The following PTPN3 variants were observed in gnomAD, a reference collection of about 807,000 sequenced individuals.
PTPN3 encodes protein tyrosine phosphatase non-receptor type 3.
PTPN3 carries 96 observed loss-of-function variants against 132.7 expected under a neutral mutation model. The ratio of observed to expected loss-of-function variants is 0.72; its 90% CI spans 0.61 to 0.86. PTPN3 has a LOEUF of 0.86. PTPN3 is among the 40% of genes least tolerant of loss of function. PTPN3 has a pLI of 0.00. For missense variants in PTPN3, 1,125 were observed against 1,159.6 expected (o/e 0.97, Z 0.43); for synonymous variants, 398 against 429.0 (o/e 0.93, Z 0.89).
At chr9:109,500,126 G>A (rs1228309438), upstream of PTPN3, among the ~76,000 whole-genome samples, 1 of 152,236 alleles carries the variant, frequency 6.6e-6, no homozygotes, top group East Asian at 1.9e-4. Context: ...TTCGATCTGG[G>A]CACCCGAGTG....
At chr9:109,519,188 A>G in the PTPN3 span, among the ~76,000 whole-genome samples, 27 of 152,224 alleles carry the variant, frequency 1.8e-4, no homozygotes, top group Non-Finnish European at 3.4e-4. Flanking sequence ...TCTTCCTGCA[A>G]CAGAAGAAGT....
At chr9:109,444,121 TTATC>T (rs1305403192) in intron 7 of PTPN3, among the ~76,000 whole-genome samples, 4 of 152,198 alleles carry the variant, frequency 2.6e-5, no homozygotes, top group Non-Finnish European at 4.4e-5. Flanking sequence ...TCTTGCTGCC[TTATC>T]TATCTATCAC....
rs1845609390 is a variant in PTPN3 at position 109,457,195 on chromosome 9, T to G, written c.267A>C (p.Lys89Asn). 6.2e-7 allele frequency: 1 copy of G among 1,613,806 alleles called. No individual in the cohort carries two copies. The highest frequency in any genetic ancestry group is 1.7e-5 in the Admixed American group (1 of 60,004). Residue 89 changes from lysine to asparagine, a missense_variant, in exon 4 of 26, where the codon AAA (lysine) becomes AAC (asparagine). By Grantham distance (94) the Lys-to-Asn change is moderately conservative. Coordinates refer to ENST00000374541, the MANE Select transcript of PTPN3 (RefSeq NM_002829.4). ...AACCTTTTAACTGCTTCCTGATGGC[T>G]TTGCTTGCTTCCAGCCATCTCTGTT... ...VDSPRWLEAS[K>N]AIRKQLKGGF...
intron 13 of PTPN3, among the ~76,000 whole-genome samples, chr9:109,422,255 C>A (rs1208836185): frequency 9.9e-5 from 15 of 152,192 alleles, no homozygotes; most frequent in Non-Finnish European, 2.9e-5. Context: ...AGTTGGCCTG[C>A]TACTTACTGA....
chr9:109,498,181 C>T lies in PTPN3; in HGVS notation c.-18+38G>A, dbSNP rs1007919741. Reference sequence around the variant, plus strand: ...GACCCCGGCCCCCGGCAGCCCCGCACCCTGCCCCCGGCCCGCTGGGGTCGC... The same window carrying T: ...GACCCCGGCCCCCGGCAGCCCCGCATCCTGCCCCCGGCCCGCTGGGGTCGC... On this transcript the variant is annotated intron_variant, in intron 1 of 25. Coordinates refer to ENST00000374541, the MANE Select transcript of PTPN3 (RefSeq NM_002829.4). The surrounding 1 kb of genome is among the most constrained non-coding windows in gnomAD (Gnocchi z 4.2). The T allele has an allele frequency of 6.8e-6, 1 of 146,522 alleles. No individual in the cohort carries two copies. The highest frequency in any genetic ancestry group is 1.5e-5 in the Non-Finnish European group (1 of 65,892). 9.1% of individuals were successfully genotyped at this position (146,522 alleles called of 1,614,324 possible).
At chr9:109,515,416 A>T in the PTPN3 span, among the ~76,000 whole-genome samples, 1 of 152,074 alleles carries the variant, frequency 6.6e-6, no homozygotes, top group African/African-American at 2.4e-5. Flanking sequence ...TGCTGAGCGC[A>T]GGGGGGGTCT....
the PTPN3 span, among the ~76,000 whole-genome samples, chr9:109,532,512 A>G: frequency 5.8e-4 from 88 of 152,222 alleles, no homozygotes; most frequent in African/African-American, 1.8e-3. Flanking sequence ...TGAAGTTCTT[A>G]CACATCTCCA....
chr9:109,489,454 A>G (rs913877555), intron 1 of PTPN3, among the ~76,000 whole-genome samples: 2 of 152,160 alleles, frequency 1.3e-5, no homozygotes, highest in African/African-American at 4.8e-5. Context: ...CTCACCCTGC[A>G]CTGATCTCAA....
chr9:109,378,202 G>A lies in PTPN3; in HGVS notation c.*1354C>T, dbSNP rs1456886847. 6.6e-6 allele frequency: 1 copy of A among 152,100 alleles called. No homozygotes were observed. The highest frequency in any genetic ancestry group is 2.4e-5 in the African/African-American group (1 of 41,422). The allele number at this position is 152,100 out of a possible 1,614,324, so 9.4% of individuals were successfully genotyped here. On this transcript the variant is annotated 3_prime_UTR_variant, in exon 26 of 26. Transcript: ENST00000374541. ...AGAACCTGGCTTTACTTCCTCTTCT[G>A]AGTACATAAAAACCGCTGTTCAAAA...
chr9:109,505,984 C>T, the PTPN3 span, among the ~76,000 whole-genome samples: 1 of 152,126 alleles, frequency 6.6e-6, no homozygotes, highest in Non-Finnish European at 1.5e-5. Flanking sequence ...ATCTCCTGAC[C>T]TCGTGATCCG....
At chr9:109,469,043 A>T (rs1428893688) in intron 1 of PTPN3, among the ~76,000 whole-genome samples, 1 of 152,212 alleles carries the variant, frequency 6.6e-6, no homozygotes, top group East Asian at 1.9e-4. Context: ...ACTCAGGGGA[A>T]CCAGAAGCAG....
the PTPN3 span, among the ~76,000 whole-genome samples, chr9:109,521,154 G>A: frequency 2.6e-5 from 4 of 152,252 alleles, no homozygotes; most frequent in Middle Eastern, 3.4e-3. Flanking sequence ...AGAGGGGGAT[G>A]TTCTGAATTC....
intron 14 of PTPN3, chr9:109,417,861 A>G: frequency 1.1e-6 from 1 of 892,262 alleles, no homozygotes; most frequent in Non-Finnish European, 1.3e-6. Flanking sequence ...AGATAAAAAG[A>G]GCCCCAAGAT....
intron 21 of PTPN3, among the ~76,000 whole-genome samples, chr9:109,389,743 A>C (rs537523436): frequency 6.6e-5 from 10 of 152,198 alleles, no homozygotes; most frequent in Non-Finnish European, 1.3e-4. Flanking sequence ...GTCTTTCCCT[A>C]TGCAGGGTTT....
chr9:109,459,169 C>A (rs927898559), intron 2 of PTPN3, among the ~76,000 whole-genome samples: 4 of 152,238 alleles, frequency 2.6e-5, no homozygotes, highest in African/African-American at 9.6e-5. Context: ...TAACAAAAAA[C>A]ACATTTATAA....
chr9:109,468,760 A>G (rs1319465344), intron 1 of PTPN3, among the ~76,000 whole-genome samples: 1 of 152,260 alleles, frequency 6.6e-6, no homozygotes, highest in Non-Finnish European at 1.5e-5. Context: ...AAAGACCATG[A>G]GAGTTAGAGT....
In PTPN3 at chr9:109,463,415, G is replaced by A. The variant is rs949617108; in HGVS notation, c.20C>T (p.Ala7Val). The A allele has an allele frequency of 7.5e-6, 12 of 1,610,210 alleles. No individual in the cohort carries two copies. Among genetic ancestry groups the A allele is most frequent in the South Asian group, 3.3e-5 (3 of 89,708 alleles). ...TATATTATTAATTCTTCCACCCAACGCACGTAACCGGGAGGTCATAACTAT... is the reference window on the plus strand; with the variant it reads ...TATATTATTAATTCTTCCACCCAACACACGTAACCGGGAGGTCATAACTAT... MTSRLR[A>V]LGGRINNIRT... Residue 7 changes from alanine (A) to valine (V), a missense_variant, in exon 2 of 26, where the codon GCG (alanine) becomes GTG (valine). Transcript: ENST00000374541.
chr9:109,457,883 C>CA (rs1312924748), intron 2 of PTPN3, among the ~76,000 whole-genome samples: 6 of 152,366 alleles, frequency 3.9e-5, no homozygotes, highest in African/African-American at 1.4e-4. Flanking sequence ...TAAAAATACT[C>CA]AACTGCCATT....
At chr9:109,528,870 C>G in the PTPN3 span, among the ~76,000 whole-genome samples, 1 of 152,030 alleles carries the variant, frequency 6.6e-6, no homozygotes, top group African/African-American at 2.4e-5. Flanking sequence ...CATCTTAATT[C>G]TACTTCCTTG....
Sources: allele counts gnomAD v4.1 joint callset (sites outside exome capture counted in the v4.1 genomes callset), GRCh38; gene constraint gnomAD v4.1.1; non-coding constraint Gnocchi (gnomAD v3.1); transcripts MANE v1.5; gene names NCBI Gene and HGNC (gene_info 2026-07-23, HGNC 2026-07-21).